COL4A4: variants seen among roughly 807,000 people sequenced by gnomAD.
COL4A4 encodes collagen type IV alpha 4 chain.
In COL4A4, 105 loss-of-function variants were observed where a neutral mutation model predicts 192.9. That is an observed-to-expected ratio of 0.54 (90% CI 0.46 to 0.64). The LOEUF (loss-of-function observed/expected upper bound fraction) is 0.64, where lower values mean the gene tolerates loss of function less well. COL4A4 is among the 30% of genes least tolerant of loss of function. The probability of loss-of-function intolerance (pLI) is 0.00; values close to 1 mark genes in which losing one functional copy is unlikely to be tolerated. For missense variants in COL4A4, 1,967 were observed against 2,169.3 expected, an observed-to-expected ratio of 0.91 and a Z score of 1.85; for synonymous variants, 762 against 769.9, an observed-to-expected ratio of 0.99 and a Z score of 0.17.
the COL4A4 span, chr2:226,995,553 G>A: frequency 1.9e-5 from 28 of 1,444,078 alleles, no homozygotes; most frequent in African/African-American, 2.5e-4. Context: ...TGGCCTATTC[G>A]TGTAATTATT....
At chr2:226,985,870 C>T in the COL4A4 span, among the ~76,000 whole-genome samples, 1 of 152,258 alleles carries the variant, frequency 6.6e-6, no homozygotes, top group African/African-American at 2.4e-5. Context: ...CCTACCTCTT[C>T]CAGTTTATCC....
At chr2:226,981,627 A>G in the COL4A4 span, among the ~76,000 whole-genome samples, 5 of 152,178 alleles carry the variant, frequency 3.3e-5, no homozygotes, top group East Asian at 7.7e-4. Context: ...TGGGAGAGGG[A>G]TAATGAGTTA....
chr2:227,033,292 G>GT (rs1448758383), intron 38 of COL4A4, 118 bp downstream of exon 38: 6 of 839,572 alleles, frequency 7.1e-6, no homozygotes, highest in Middle Eastern at 2.4e-4. Flanking sequence ...ACCTAAGCCA[G>GT]TTTTTTTCAG....
chr2:227,106,785 C>T (rs770185999), intron 12 of COL4A4, among the ~76,000 whole-genome samples: 12 of 152,146 alleles, frequency 7.9e-5, no homozygotes, highest in Admixed American at 2.6e-4. Flanking sequence ...AGGCTGGTCT[C>T]GAACTCCTGA....
At chr2:227,060,872 C>T (rs1019635912) in intron 26 of COL4A4, among the ~76,000 whole-genome samples, 1 of 151,904 alleles carries the variant, frequency 6.6e-6, no homozygotes, top group Non-Finnish European at 1.5e-5. Context: ...GGATTGCAGG[C>T]GCCCGCCACC....
At chr2:227,078,945 A>G (rs1181622405) in intron 24 of COL4A4, among the ~76,000 whole-genome samples, 1 of 152,190 alleles carries the variant, frequency 6.6e-6, no homozygotes, top group Non-Finnish European at 1.5e-5. Flanking sequence ...CAAAATTTGC[A>G]TCTGGTCTGG....
chr2:227,097,826 T>G (rs930543576), intron 19 of COL4A4, among the ~76,000 whole-genome samples: 2 of 152,202 alleles, frequency 1.3e-5, no homozygotes, highest in Non-Finnish European at 2.9e-5. Context: ...TAGTTAGCAG[T>G]TGAATATCTC....
chr2:227,059,509 C>T lies in COL4A4; in HGVS notation c.2279G>A (p.Gly760Glu). Residue 760 changes from glycine to glutamate, a missense_variant, in exon 28 of 48, where the codon GGA becomes GAA. By Grantham distance (98) the Gly-to-Glu change is moderately conservative. Coordinates refer to ENST00000396625, the MANE Select transcript of COL4A4 (RefSeq NM_000092.5). ...TCCCAGGTGACCAAATGCAGGGTCT[C>T]CCGGGATTCCTTTCTGACCATTCAC... ...PGVNGQKGIP[G>E]DPAFGHLGPP... The T allele has an allele frequency of 6.2e-7, 1 of 1,614,166 alleles. No individual in the cohort carries two copies. Among genetic ancestry groups the T allele is most frequent in the Non-Finnish European group, 8.5e-7 (1 of 1,180,012 alleles).
Position 227,111,722 on chromosome 2 carries a change from A to T in COL4A4, c.559-9T>A. The T allele has an allele frequency of 6.2e-7, 1 of 1,613,740 alleles. No homozygotes were observed. The highest frequency in any genetic ancestry group is 8.5e-7 in the Non-Finnish European group (1 of 1,179,584). On this transcript the variant is annotated splice_polypyrimidine_tract_variant and intron_variant, in intron 8 of 47. Transcript: ENST00000396625. ...GGGTCCCCTCTGTCTCCCTGCAAAAATAAGAATGCATTGCTTTAAGTCCAC... is the reference window on the plus strand; with the variant it reads ...GGGTCCCCTCTGTCTCCCTGCAAAATTAAGAATGCATTGCTTTAAGTCCAC...
chr2:227,131,668 G>A (rs62277809), intron 4 of COL4A4, among the ~76,000 whole-genome samples: 8,482 of 152,292 alleles, frequency 0.056, 268 homozygotes, highest in Middle Eastern at 0.075. Flanking sequence ...CCCAGAGCCT[G>A]TGACTATTGC....
chr2:227,021,944 T>C, intron 44 of COL4A4, 104 bp downstream of exon 44: 5 of 1,324,728 alleles, frequency 3.8e-6, no homozygotes, highest in Non-Finnish European at 5.3e-6. Context: ...TGCTTTCTCC[T>C]CAGTAGTTTA....
intron 25 of COL4A4, among the ~76,000 whole-genome samples, chr2:227,064,050 G>A (rs1187775769): frequency 1.3e-5 from 2 of 152,112 alleles, no homozygotes; most frequent in Admixed American, 1.3e-4. Flanking sequence ...TTATGCCATA[G>A]CTATAATAAT....
At chr2:227,020,230 A>C (rs1322112687) in intron 44 of COL4A4, among the ~76,000 whole-genome samples, 2 of 148,286 alleles carry the variant, frequency 1.3e-5, no homozygotes. Context: ...GGAGGGACCC[A>C]GCTCTGGATA....
At chr2:227,146,408 G>A (rs979930645) in intron 2 of COL4A4, among the ~76,000 whole-genome samples, 2 of 151,016 alleles carry the variant, frequency 1.3e-5, no homozygotes, top group East Asian at 1.9e-4. Flanking sequence ...TTCACTCCCC[G>A]TAATTTCTTG....
At chr2:226,994,617 T>C in the COL4A4 span, among the ~76,000 whole-genome samples, 1 of 152,200 alleles carries the variant, frequency 6.6e-6, no homozygotes, top group South Asian at 2.1e-4. Context: ...CCCGTATCTA[T>C]CAGTGATGTG....
intron 22 of COL4A4, among the ~76,000 whole-genome samples, chr2:227,087,680 A>G (rs1382146128): frequency 6.6e-6 from 1 of 152,162 alleles, no homozygotes; most frequent in African/African-American, 2.4e-5. Context: ...CTCATCTCCC[A>G]GCCAATGTCC....
At chr2:227,101,773 G>T (rs2060537492) in intron 16 of COL4A4, 92 bp downstream of exon 16, 4 of 1,144,690 alleles carry the variant, frequency 3.5e-6, no homozygotes, top group Non-Finnish European at 3.8e-6. Flanking sequence ...CCTAATTACT[G>T]TGTTTGCACG....
intron 25 of COL4A4, among the ~76,000 whole-genome samples, chr2:227,068,967 C>T (rs1180357838): frequency 6.7e-6 from 1 of 149,510 alleles, no homozygotes; most frequent in African/African-American, 2.5e-5. Context: ...TCTAGAAAAC[C>T]CCATTGTCTC....
At chr2:227,084,189 A>G (rs2059464826) in intron 22 of COL4A4, among the ~76,000 whole-genome samples, 1 of 152,218 alleles carries the variant, frequency 6.6e-6, no homozygotes, top group Admixed American at 6.5e-5. Context: ...TATGCTAGTC[A>G]TAAGTAGCAG....
Sources: allele counts gnomAD v4.1 joint callset (sites outside exome capture counted in the v4.1 genomes callset), GRCh38; gene constraint gnomAD v4.1.1; transcripts MANE v1.5; gene names NCBI Gene and HGNC (gene_info 2026-07-23, HGNC 2026-07-21).